Variants in AMBRA1 observed in about 807,000 individuals in gnomAD.
The protein encoded by AMBRA1 is autophagy and beclin 1 regulator 1.
Under a neutral mutation model 125.4 loss-of-function variants are expected in AMBRA1, and 47 were observed. That is an observed-to-expected ratio of 0.37 (90% CI 0.30 to 0.48). The LOEUF (loss-of-function observed/expected upper bound fraction) is 0.48, where lower values mean the gene tolerates loss of function less well. Ranked by LOEUF, AMBRA1 falls within the 20% of genes least tolerant of loss-of-function variation. AMBRA1 has a pLI of 0.99. For missense variants in AMBRA1, 1,331 were observed against 1,693.4 expected (o/e 0.79, Z 3.76); for synonymous variants, 626 against 655.5 (o/e 0.95, Z 0.69).
chr11:46,518,140 T>G, intron 7 of AMBRA1: 14 of 984,686 alleles, frequency 1.4e-5, no homozygotes, highest in Non-Finnish European at 1.7e-5. Context: ...TTCAGAAGAA[T>G]TACTCACGGC....
intron 14 of AMBRA1, among the ~76,000 whole-genome samples, chr11:46,427,223 C>A (rs183923088): frequency 8.9e-4 from 135 of 152,250 alleles, no homozygotes; most frequent in African/African-American, 3.1e-3. Context: ...GGGCACTCAT[C>A]CTGACCCAGG....
chr11:46,487,820 A>G (rs1265786528), intron 11 of AMBRA1, among the ~76,000 whole-genome samples: 1 of 152,194 alleles, frequency 6.6e-6, no homozygotes, highest in Non-Finnish European at 1.5e-5. Context: ...AACTATATCA[A>G]TGATAATATT....
intron 1 of AMBRA1, among the ~76,000 whole-genome samples, chr11:46,572,258 G>C (rs989785121): frequency 1.1e-4 from 16 of 151,982 alleles, no homozygotes; most frequent in Admixed American, 6.6e-4. Flanking sequence ...CAGAGATCGT[G>C]CAACTGCACT....
In AMBRA1 at chr11:46,419,764, G is replaced by A. The variant is rs1946752478; in HGVS notation, c.2977-1712C>T. ...AATATTCATAAAATGAACTTAGAGT[G>A]GTACAATTATAATTATTTTTCTGAC... On this transcript the variant is annotated intron_variant, in intron 14 of 17. Transcript: ENST00000683756. Among the ~76,000 whole-genome samples the A allele has an allele frequency of 2.0e-5, 3 of 152,138 alleles. No homozygotes were observed. In the South Asian group the frequency reaches 6.2e-4, roughly 32 times the overall value.
In AMBRA1 at chr11:46,397,751, C is replaced by T. The variant is rs1271864332; in HGVS notation, c.3596G>A (p.Gly1199Asp). 2 of 1,612,670 alleles carry T rather than the reference C, an allele frequency of 1.2e-6. No individual in the cohort carries two copies. The highest frequency in any genetic ancestry group is 1.3e-5 in the African/African-American group (1 of 75,032). ...CTGGGGTGAGGAGGTGTGGGCGGCA[C>T]CAGGTTCAGTGCCCGTCTGAGAGCT... The part of the protein sequence containing the change: ...HRSSQTGTEP[G>D]AAHTSSPQPS... Residue 1199 changes from glycine to aspartate, a missense_variant, in exon 18 of 18, where the codon GGT becomes GAT. By Grantham distance (94) the Gly-to-Asp change is moderately conservative. This residue lies in a region of AMBRA1 where 144 missense variants were observed against 133.9 expected (regional missense o/e 1.08). Coordinates refer to ENST00000683756, the MANE Select transcript of AMBRA1 (RefSeq NM_001387011.1).
At chr11:46,483,791 G>A (rs971271216) in intron 11 of AMBRA1, among the ~76,000 whole-genome samples, 1 of 152,060 alleles carries the variant, frequency 6.6e-6, no homozygotes, top group African/African-American at 2.4e-5. Flanking sequence ...TCCCAGCTTC[G>A]GGAGGCTGAG....
chr11:46,566,701 G>T (rs1166935006), intron 1 of AMBRA1, among the ~76,000 whole-genome samples: 3 of 152,104 alleles, frequency 2.0e-5, no homozygotes, highest in South Asian at 4.1e-4. Flanking sequence ...TGCAAAAATT[G>T]TAACAGTAAG....
At chr11:46,579,070 A>C (rs1591178210) in intron 1 of AMBRA1, among the ~76,000 whole-genome samples, 1 of 150,860 alleles carries the variant, frequency 6.6e-6, no homozygotes, top group South Asian at 2.1e-4. Flanking sequence ...AAAAAAGATA[A>C]GGAATGAACT....
At chr11:46,574,851 C>T (rs964186199) in intron 1 of AMBRA1, among the ~76,000 whole-genome samples, 32 of 152,158 alleles carry the variant, frequency 2.1e-4, no homozygotes, top group African/African-American at 7.7e-4. Flanking sequence ...TTCACTTTTT[C>T]AAACAATGTT....
At chr11:46,449,207 C>T (rs930551250) in intron 11 of AMBRA1, among the ~76,000 whole-genome samples, 7 of 152,246 alleles carry the variant, frequency 4.6e-5, no homozygotes, top group Admixed American at 2.0e-4. Flanking sequence ...GAAACCACCC[C>T]CCACCGCAAA....
At chr11:46,489,817 A>G (rs1037479262) in intron 11 of AMBRA1, among the ~76,000 whole-genome samples, 15 of 152,230 alleles carry the variant, frequency 9.9e-5, no homozygotes, top group Admixed American at 6.5e-5. Context: ...ATGCAGAAAA[A>G]TATTATAAGC....
intron 12 of AMBRA1, among the ~76,000 whole-genome samples, chr11:46,439,039 G>A (rs1356574843): frequency 6.6e-6 from 1 of 152,152 alleles, no homozygotes; most frequent in Non-Finnish European, 1.5e-5. Context: ...GGGAGGCCAA[G>A]GCAGGGTAAT....
At chr11:46,437,167 G>A (rs745822819) in intron 12 of AMBRA1, among the ~76,000 whole-genome samples, 2 of 152,188 alleles carry the variant, frequency 1.3e-5, no homozygotes, top group Non-Finnish European at 2.9e-5. Flanking sequence ...GAGAGTACAA[G>A]TAAGATTTTC....
intron 14 of AMBRA1, among the ~76,000 whole-genome samples, chr11:46,432,436 A>G (rs1287131390): frequency 6.6e-6 from 1 of 152,220 alleles, no homozygotes; most frequent in East Asian, 1.9e-4. Context: ...GGATATCTGT[A>G]GGAGACAGGA....
chr11:46,509,478 G>T (rs1193725824), intron 8 of AMBRA1, among the ~76,000 whole-genome samples: 2 of 152,024 alleles, frequency 1.3e-5, no homozygotes, highest in Non-Finnish European at 2.9e-5. Context: ...AATACATAAG[G>T]TTACAAAGAT....
chr11:46,470,813 AGTTT>A (rs1380256667), intron 11 of AMBRA1, among the ~76,000 whole-genome samples: 1 of 152,092 alleles, frequency 6.6e-6, no homozygotes, highest in Non-Finnish European at 1.5e-5. Flanking sequence ...CCCTAAAGGA[AGTTT>A]GTTTACTCAT....
At chr11:46,589,016 T>C (rs1226933597) in intron 1 of AMBRA1, among the ~76,000 whole-genome samples, 1 of 152,154 alleles carries the variant, frequency 6.6e-6, no homozygotes, top group Admixed American at 6.6e-5. Context: ...AAATAACACA[T>C]GTAAAGAACA....
At chr11:46,418,384 ATATT>A (rs1320627774) in intron 14 of AMBRA1, among the ~76,000 whole-genome samples, 7 of 143,942 alleles carry the variant, frequency 4.9e-5, no homozygotes, top group Non-Finnish European at 9.0e-5. Context: ...ATAAATATAT[ATATT>A]TATTATATAT....
At position 46,428,294 on chromosome 11, in the gene AMBRA1, G is replaced by T. The variant is rs191833019; in HGVS notation, c.2976+5180C>A. Among the ~76,000 whole-genome samples, 595 of 152,210 alleles carry T rather than the reference G, an allele frequency of 3.9e-3. 3 individuals are homozygous for T. The highest frequency in any genetic ancestry group is 0.014 in the African/African-American group (582 of 41,522). On this transcript the variant is annotated intron_variant, in intron 14 of 17. Transcript: ENST00000683756. Reference sequence around the variant, plus strand: ...TAACACTCACTCAACTCTTGGCTACGGTTTTACCACATGGCCACAAAGAAA... The same window carrying T: ...TAACACTCACTCAACTCTTGGCTACTGTTTTACCACATGGCCACAAAGAAA...
Sources: gnomAD v4.1 joint callset for allele counts (sites outside exome capture counted in the v4.1 genomes callset) on GRCh38, gnomAD v4.1.1 for gene constraint, gnomAD v4.1.1 regional missense constraint, MANE v1.5 for transcripts, NCBI Gene and HGNC (gene_info 2026-07-23, HGNC 2026-07-21) for gene names.